The following WWP1 variants were observed in gnomAD, a reference collection of about 807,000 sequenced individuals.
WWP1 encodes the protein WW domain containing E3 ubiquitin protein ligase 1.
In WWP1, 49 loss-of-function variants were observed where a neutral mutation model predicts 130.6. The ratio of observed to expected loss-of-function variants is 0.38; its 90% CI spans 0.30 to 0.48. WWP1 has a LOEUF of 0.48. WWP1 is among the 20% of genes least tolerant of loss of function. The pLI, the probability that WWP1 is intolerant of heterozygous loss-of-function variation, is 0.99. For synonymous variants in WWP1, 332 were observed against 367.8 expected (o/e 0.90, Z 1.11); for missense variants, 809 against 1,100.6 (o/e 0.74, Z 3.75).
Position 86,467,002 on chromosome 8 carries a change from C to T in WWP1, c.*109C>T. On this transcript the variant is annotated 3_prime_UTR_variant, in exon 25 of 25. Coordinates refer to ENST00000517970, the MANE Select transcript of WWP1 (RefSeq NM_007013.4). ...CATTCTGTACAGTGAATTTTCCGAA[C>T]CTCTCAAAGTATGTTTTCCGTTCTT... is the stretch of plus-strand genomic sequence containing the variant. 1 of 739,800 alleles carries T rather than the reference C, an allele frequency of 1.4e-6. No individual in the cohort carries two copies. The highest frequency in any genetic ancestry group is 2.2e-6 in the Non-Finnish European group (1 of 450,278). 45.8% of individuals were successfully genotyped at this position (739,800 alleles called of 1,614,324 possible).
At chr8:86,439,058 T>A (rs2130711000) in intron 17 of WWP1, among the ~76,000 whole-genome samples, 1 of 152,304 alleles carries the variant, frequency 6.6e-6, no homozygotes, top group East Asian at 1.9e-4. Flanking sequence ...TAAAAAGTTT[T>A]AAAGGCTGGA....
rs1456015002 is a variant in WWP1 at position 86,461,754 on chromosome 8, G to T, written c.2597-20G>T. The T allele has an allele frequency of 6.2e-7, 1 of 1,608,344 alleles. No homozygotes were observed. The highest frequency in any genetic ancestry group is 1.3e-5 in the African/African-American group (1 of 74,602). ...AAGTTTAAAGGACCAGATAAACTTT[G>T]TCTTATTTTCTTGGTGTAGGAAGTA... On this transcript the variant is annotated intron_variant, in intron 23 of 24. Transcript: ENST00000517970.
At position 86,411,571 on chromosome 8, in the gene WWP1, A is replaced by T. The variant is rs771562484; in HGVS notation, c.758A>T (p.Asp253Val). Residue 253 changes from aspartate to valine, a missense_variant, in exon 9 of 25, where the codon GAT becomes GTT. By Grantham distance (152) the Asp-to-Val change is radical. Around this residue, in one of 3 missense-constraint regions of WWP1, gnomAD observed 262 missense variants for 346.0 expected, o/e 0.76. Transcript: ENST00000517970. ...GAATCATCCTCATTTGCACCAACTG[A>T]TAATGCGTCTGTCACGGGTACTCCA... is the stretch of plus-strand genomic sequence containing the variant. ...NGESSSFAPTDNASVTGTPVV... is the reference protein window; with the variant it reads ...NGESSSFAPTVNASVTGTPVV... 2.5e-6 allele frequency: 4 copies of T among 1,613,864 alleles called. No individual in the cohort carries two copies. The Admixed American group carries it at 6.7e-5, about 27-fold the overall frequency.
intron 5 of WWP1, among the ~76,000 whole-genome samples, chr8:86,390,047 A>C (rs1309049422): frequency 4.2e-5 from 6 of 143,432 alleles, no homozygotes; most frequent in Admixed American, 2.1e-4. Flanking sequence ...CACTCCTCAG[A>C]TCCCAGACGG....
chr8:86,424,491 C>T (rs1450777679), intron 9 of WWP1, among the ~76,000 whole-genome samples: 1 of 151,994 alleles, frequency 6.6e-6, no homozygotes, highest in Non-Finnish European at 1.5e-5. Context: ...CGAGATCACG[C>T]CACTGCACTC....
At chr8:86,414,250 TG>T (rs1808750760) in intron 9 of WWP1, among the ~76,000 whole-genome samples, 2 of 136,274 alleles carry the variant, frequency 1.5e-5, no homozygotes, top group Non-Finnish European at 3.5e-5. Context: ...TGTGTGTGTA[TG>T]TGTGTGTATG....
At position 86,448,131 on chromosome 8, in the gene WWP1, T is replaced by C; in HGVS notation, c.1999-17T>C. On this transcript the variant is annotated splice_polypyrimidine_tract_variant and intron_variant, in intron 18 of 24. Coordinates refer to ENST00000517970, the MANE Select transcript of WWP1 (RefSeq NM_007013.4). ...ATTTTGCAAATTTTAAATAAAATTT[T>C]TCATTTTTCTTTGCAGGCACTATTT... The C allele has an allele frequency of 1.3e-6, 2 of 1,541,680 alleles. No individual in the cohort carries two copies. Among genetic ancestry groups the C allele is most frequent in the Non-Finnish European group, 1.7e-6 (2 of 1,158,500 alleles).
intron 24 of WWP1, among the ~76,000 whole-genome samples, chr8:86,463,124 G>C (rs1811855855): frequency 6.6e-6 from 1 of 152,114 alleles, no homozygotes; most frequent in African/African-American, 2.4e-5. Flanking sequence ...ATTTTTACTT[G>C]AAAGAATGAC....
At chr8:86,422,846 C>T (rs918496614) in intron 9 of WWP1, among the ~76,000 whole-genome samples, 1 of 151,968 alleles carries the variant, frequency 6.6e-6, no homozygotes, top group Non-Finnish European at 1.5e-5. Flanking sequence ...AGAGACCTAC[C>T]AAAACCAGAA....
intron 18 of WWP1, among the ~76,000 whole-genome samples, 155 bp downstream of exon 18, chr8:86,442,933 G>C (rs1003357231): frequency 1.7e-4 from 26 of 151,554 alleles, no homozygotes; most frequent in Non-Finnish European, 3.1e-4. Context: ...TATATTTTTT[G>C]AGTACCTGTA....
chr8:86,366,092 C>G (rs895637392), intron 1 of WWP1, among the ~76,000 whole-genome samples: 6 of 152,216 alleles, frequency 3.9e-5, no homozygotes, highest in African/African-American at 1.4e-4. Context: ...AGGTCCCCTA[C>G]AGTGAAGGGA....
intron 5 of WWP1, among the ~76,000 whole-genome samples, chr8:86,394,219 C>T (rs994220934): frequency 1.3e-5 from 2 of 152,178 alleles, no homozygotes; most frequent in Non-Finnish European, 2.9e-5. Context: ...TTCAACAAAT[C>T]CATGATTTAT....
rs1822275913 is a variant in WWP1 at position 86,342,806 on chromosome 8, G to GCTGCTGCCGCCGCGC, written c.-231_-217dup. 2.7e-6 allele frequency: 1 copy of GCTGCTGCCGCCGCGC among 369,358 alleles called. No homozygotes were observed. Among genetic ancestry groups the GCTGCTGCCGCCGCGC allele is most frequent in the Non-Finnish European group, 4.8e-6 (1 of 207,058 alleles). The allele number at this position is 369,358 out of a possible 1,614,324, so 22.9% of individuals were successfully genotyped here. On this transcript the variant is annotated 5_prime_UTR_variant, in exon 1 of 25. Coordinates refer to ENST00000517970, the MANE Select transcript of WWP1 (RefSeq NM_007013.4). ...GGCTGCCGGGGCCGACGCCTGGGTG[G>GCTGCTGCCGCCGCGC]CTGCTGCCGCCGCGCCTGCTGCGAG...
intron 1 of WWP1, among the ~76,000 whole-genome samples, chr8:86,367,090 T>G (rs1824017153): frequency 6.6e-6 from 1 of 152,206 alleles, no homozygotes; most frequent in African/African-American, 2.4e-5. Flanking sequence ...TTCTAACCTT[T>G]TAGGTTCCAC....
At position 86,423,841 on chromosome 8, in the gene WWP1, G is replaced by A. The variant is rs867616108; in HGVS notation, c.1062-1382G>A. On this transcript the variant is annotated intron_variant, in intron 9 of 24. Coordinates refer to ENST00000517970, the MANE Select transcript of WWP1 (RefSeq NM_007013.4). ...CCCCCCACCTCCCGGACGGGGCGGC[G>A]GCTGGGCAGAGGCGCCCCCCACCTC... 1.4e-3 allele frequency among the ~76,000 whole-genome samples: 196 copies of A among 140,748 alleles called. 2 individuals are homozygous for A. The highest frequency in any genetic ancestry group is 4.7e-3 in the African/African-American group (178 of 38,176). The allele number at this position is 140,748 out of a possible 152,430, so 92.3% of individuals were successfully genotyped here. A position where few individuals can be genotyped will look rare whatever the true frequency, so the allele number is the denominator to read the frequency against.
At chr8:86,370,569 A>G (rs1054257570) in intron 2 of WWP1, among the ~76,000 whole-genome samples, 6 of 152,206 alleles carry the variant, frequency 3.9e-5, no homozygotes, top group Non-Finnish European at 5.9e-5. Flanking sequence ...CAGGATCCAC[A>G]GTACCCCACA....
At chr8:86,351,820 G>A (rs1396865639) in intron 1 of WWP1, among the ~76,000 whole-genome samples, 4 of 152,186 alleles carry the variant, frequency 2.6e-5, no homozygotes, top group Middle Eastern at 3.4e-3. Context: ...TATAACAGTC[G>A]TCTGGGATGC....
chr8:86,418,292 A>G (rs959300409), intron 9 of WWP1, among the ~76,000 whole-genome samples: 3 of 152,194 alleles, frequency 2.0e-5, no homozygotes, highest in Admixed American at 1.3e-4. Context: ...GGTCTAATAT[A>G]TAGGTCTCCC....
chr8:86,356,955 T>C (rs1467731333), intron 1 of WWP1, among the ~76,000 whole-genome samples: 2 of 152,204 alleles, frequency 1.3e-5, no homozygotes, highest in East Asian at 1.9e-4. Context: ...TCGTCTAGTT[T>C]GTAATGGATA....
Sources: allele counts gnomAD v4.1 joint callset (sites outside exome capture counted in the v4.1 genomes callset), GRCh38; gene constraint gnomAD v4.1.1; regional missense constraint gnomAD v4.1.1; transcripts MANE v1.5; gene names NCBI Gene and HGNC (gene_info 2026-07-23, HGNC 2026-07-21).